The following C2orf81 variants were observed in gnomAD, a reference collection of about 807,000 sequenced individuals.
C2orf81 encodes the protein uncharacterized protein C2orf81.
In C2orf81, 5 loss-of-function variants were observed where a neutral mutation model predicts 7.9. The ratio of observed to expected loss-of-function variants is 0.63; its 90% CI spans 0.33 to 1.33. The LOEUF (loss-of-function observed/expected upper bound fraction) is 1.33, where lower values mean the gene tolerates loss of function less well. C2orf81 is among the 40% of genes most tolerant of loss of function. The pLI, the probability that C2orf81 is intolerant of heterozygous loss-of-function variation, is 0.05. For missense variants in C2orf81, 781 were observed against 830.4 expected, an observed-to-expected ratio of 0.94 and a Z score of 0.73; for synonymous variants, 346 against 367.4, an observed-to-expected ratio of 0.94 and a Z score of 0.66.
At chr2:74,417,995 G>A in intron 1 of C2orf81, 1 of 488,274 alleles carries the variant, frequency 2.0e-6, no homozygotes, top group Non-Finnish European at 3.9e-6. Context: ...TAGTGTGGTG[G>A]TGAAGGTGCA....
In C2orf81 at chr2:74,415,388, C is replaced by G. The variant is rs1191029218; in HGVS notation, c.789G>C (p.Ser263=). 3 of 1,520,910 alleles carry G rather than the reference C, an allele frequency of 2.0e-6. No individual in the cohort carries two copies. The highest frequency in any genetic ancestry group is 2.7e-6 in the Non-Finnish European group (3 of 1,128,514). 94.2% of individuals were successfully genotyped at this position (1,520,910 alleles called of 1,614,324 possible). Residue 263 remains serine (S), a synonymous_variant, in exon 3 of 3, where the codon TCG becomes TCC. Transcript: ENST00000684111. This position sits in a 1 kb window ranked among gnomAD's most constrained non-coding sequence, Gnocchi z 5.5. The part of the protein sequence containing the change: ...AGSLSASFQL[S]VEEAPADDAD... Reference sequence around the variant, plus strand: ...CATCGTCGGCAGGCGCCTCCTCCACCGACAGTTGGAAGCTCGCGCTCAAGG... The same window carrying G: ...CATCGTCGGCAGGCGCCTCCTCCACGGACAGTTGGAAGCTCGCGCTCAAGG...
At chr2:74,418,497 G>C in intron 1 of C2orf81, 1 of 1,124,330 alleles carries the variant, frequency 8.9e-7, no homozygotes, top group Non-Finnish European at 1.3e-6. Context: ...GGCGAACTCG[G>C]CCGCTGGCCT....
chr2:74,416,924 G>A (rs1029916927), intron 1 of C2orf81, among the ~76,000 whole-genome samples: 4 of 152,066 alleles, frequency 2.6e-5, no homozygotes, highest in Non-Finnish European at 5.9e-5. Context: ...TGACAGACCC[G>A]GGGGAGCAGG....
In C2orf81 at chr2:74,421,564, C is replaced by T. The variant is rs1040217587; in HGVS notation, c.-4G>A. 2.4e-6 allele frequency: 1 copy of T among 410,682 alleles called. No individual in the cohort carries two copies. Among genetic ancestry groups the T allele is most frequent in the South Asian group, 8.5e-5 (1 of 11,830 alleles). The allele number at this position is 410,682 out of a possible 1,614,324, so 25.4% of individuals were successfully genotyped here. ...TCACCGAGCCTTCGTGCGCCATCGC[C>T]AACGCGGTCGCAGCAACGCTGGTGT... On this transcript the variant is annotated 5_prime_UTR_variant, in exon 1 of 3. Coordinates refer to ENST00000684111, the MANE Select transcript of C2orf81 (RefSeq NM_001316764.3).
Position 74,415,770 on chromosome 2 carries a change from T to C in C2orf81, c.407A>G (p.Gln136Arg). The stretch of plus-strand genomic sequence containing the variant: ...CGCGTGCAGCACGGGCACTGAACCC[T>C]GAGCCCAGGAGTCCGTCGTGCATGC... ...PSACTTDSWA[Q>R]GSVPVLHAST... The change falls in exon 3 of 3, where the codon CAG becomes CGG. Residue 136 changes from glutamine (Q) to arginine (R), a missense_variant. Gln to Arg is a conservative substitution (Grantham distance 43, BLOSUM62 1). Coordinates refer to ENST00000684111, the MANE Select transcript of C2orf81 (RefSeq NM_001316764.3). The surrounding 1 kb of genome is among the most constrained non-coding windows in gnomAD (Gnocchi z 5.5). 1 of 1,551,654 alleles carries C rather than the reference T, an allele frequency of 6.4e-7. No individual in the cohort carries two copies. The highest frequency in any genetic ancestry group is 8.7e-7 in the Non-Finnish European group (1 of 1,147,020).
Position 74,415,928 on chromosome 2 carries a change from C to T in C2orf81, c.250-1G>A. The T allele has an allele frequency of 2.6e-6, 4 of 1,547,478 alleles. No homozygotes were observed. The highest frequency in any genetic ancestry group is 3.5e-6 in the Non-Finnish European group (4 of 1,143,822). On this transcript the variant is annotated splice_acceptor_variant, in intron 2 of 2. Coordinates refer to ENST00000684111, the MANE Select transcript of C2orf81 (RefSeq NM_001316764.3). LOFTEE classifies it high-confidence loss of function. This position sits in a 1 kb window ranked among gnomAD's most constrained non-coding sequence, Gnocchi z 5.5. ...CCTGGCTGATGGTGAATGGAATGCA[C>T]TGCGGAGGCGAGAGAGGATCTCAGG...
intron 1 of C2orf81, among the ~76,000 whole-genome samples, chr2:74,417,013 C>T (rs1676487115): frequency 6.6e-6 from 1 of 152,154 alleles, no homozygotes; most frequent in Non-Finnish European, 1.5e-5. Context: ...AGTCAGTCAC[C>T]CAGCCTGCCA....
At position 74,414,743 on chromosome 2, in the gene C2orf81, G is replaced by A. The variant is rs760933947; in HGVS notation, c.1434C>T (p.Arg478=). The change falls in exon 3 of 3, where the codon CGC becomes CGT. Residue 478 remains arginine (R), a synonymous_variant. Coordinates refer to ENST00000684111, the MANE Select transcript of C2orf81 (RefSeq NM_001316764.3). The surrounding 1 kb of genome is among the most constrained non-coding windows in gnomAD (Gnocchi z 5.3). ...SKLPLPNSRI[R]FLTTHPVLPD... ...GGAGCACCGGGTGTGTGGTGAGGAA[G>A]CGGATCCTGGAGTTTGGGAGTGGCA... The A allele has an allele frequency of 6.5e-7, 1 of 1,550,346 alleles. No homozygotes were observed. The highest frequency in any genetic ancestry group is 1.2e-5 in the South Asian group (1 of 83,908).
chr2:74,414,434 C>G lies in C2orf81; in HGVS notation c.1743G>C (p.Gln581His). Residue 581 changes from glutamine (Q) to histidine (H), a missense_variant, in exon 3 of 3, where the codon CAG (glutamine) becomes CAC (histidine). Gln to His is a conservative substitution (Grantham distance 24). Coordinates refer to ENST00000684111, the MANE Select transcript of C2orf81 (RefSeq NM_001316764.3). The surrounding 1 kb of genome is among the most constrained non-coding windows in gnomAD (Gnocchi z 5.3). Reference protein sequence around the residue: ...PGVSMWNRSTQVLLSSGVPEQ... With the variant: ...PGVSMWNRSTHVLLSSGVPEQ... ...CAGGCACACCAGAGCTGAGCAACAC[C>G]TGGGTGCTCCGGTTCCACATGCTCA... 1.3e-6 allele frequency: 2 copies of G among 1,551,034 alleles called. No homozygotes were observed. Among genetic ancestry groups the G allele is most frequent in the South Asian group, 2.4e-5 (2 of 83,996 alleles).
At chr2:74,416,737 G>T (rs1245906777) in intron 1 of C2orf81, among the ~76,000 whole-genome samples, 1 of 152,036 alleles carries the variant, frequency 6.6e-6, no homozygotes, top group Non-Finnish European at 1.5e-5. Context: ...ATTCTTGAGT[G>T]TTCAAATTAC....
At chr2:74,417,251 G>T in intron 1 of C2orf81, 1 of 566,916 alleles carries the variant, frequency 1.8e-6, no homozygotes, top group Non-Finnish European at 2.8e-6. Flanking sequence ...CTGGGAGTGG[G>T]AAGGGTGAGC....
At position 74,414,958 on chromosome 2, in the gene C2orf81, C is replaced by G. The variant is rs1338075597; in HGVS notation, c.1219G>C (p.Gly407Arg). Residue 407 changes from glycine to arginine, a missense_variant, in exon 3 of 3, where the codon GGA (glycine) becomes CGA (arginine). By Grantham distance (125) the Gly-to-Arg change is moderately radical. Coordinates refer to ENST00000684111, the MANE Select transcript of C2orf81 (RefSeq NM_001316764.3). The surrounding 1 kb of genome is among the most constrained non-coding windows in gnomAD (Gnocchi z 5.3). ...TTGGTCTTCTCGCCCCGCTGGCGTC[C>G]GCGGTAGGCTTCCAAGGGGCGTGTT... is the stretch of plus-strand genomic sequence containing the variant. ...SQTRPLEAYR[G>R]RQRGEKTKAR... is the part of the protein sequence containing the mutation. 1 of 1,547,656 alleles carries G rather than the reference C, an allele frequency of 6.5e-7. No individual in the cohort carries two copies. Among genetic ancestry groups the G allele is most frequent in the Admixed American group, 2.0e-5 (1 of 50,844 alleles).
Position 74,414,887 on chromosome 2 carries a change from G to T in C2orf81, c.1290C>A (p.Ser430=). Residue 430 remains serine, a synonymous_variant, in exon 3 of 3, where the codon TCC becomes TCA. Transcript: ENST00000684111. The surrounding 1 kb of genome is among the most constrained non-coding windows in gnomAD (Gnocchi z 5.3). ...GCCGGAGAGGGAAGAACGCTGCCGG[G>T]GAGACACGGGTGCCGGGGCCGAGGG... is the stretch of plus-strand genomic sequence containing the variant. The part of the protein sequence containing the change: ...PQALGPGTRV[S]PAAFFPLRPG... 3 of 1,546,844 alleles carry T rather than the reference G, an allele frequency of 1.9e-6. No homozygotes were observed. The highest frequency in any genetic ancestry group is 2.6e-6 in the Non-Finnish European group (3 of 1,143,778).
intron 1 of C2orf81, chr2:74,418,503 G>A (rs1183517122): frequency 9.7e-7 from 1 of 1,035,870 alleles, no homozygotes; most frequent in African/African-American, 1.6e-5. Flanking sequence ...CTCGGCCGCT[G>A]GCCTGCGGTG....
intron 1 of C2orf81, among the ~76,000 whole-genome samples, chr2:74,420,772 C>CTTTTTTTTTTTTT (rs745827470): frequency 2.2e-4 from 16 of 72,706 alleles, no homozygotes; most frequent in African/African-American, 5.7e-4. Flanking sequence ...TCTTCTTCTT[C>CTTTTTTTTTTTTT]TTTTTTTTTT....
Position 74,420,769 on chromosome 2 carries a change from CTTCTTTTTT to C in C2orf81, c.18+765_18+773del, listed in dbSNP as rs1471575833. On this transcript the variant is annotated intron_variant, in intron 1 of 2. Transcript: ENST00000684111. ...CTTCAAATCCGTTTTCTTTCTTCTTCTTCTTTTTTTTTTTTTTTTTTTTTTTTTTTTGAG... is the reference window on the plus strand; with the variant it reads ...CTTCAAATCCGTTTTCTTTCTTCTTCTTTTTTTTTTTTTTTTTTTTTTGAG... Among the ~76,000 whole-genome samples, 13 of 118,752 alleles carry C rather than the reference CTTCTTTTTT, an allele frequency of 1.1e-4. No individual in the cohort carries two copies. In the East Asian group the frequency reaches 3.5e-3, roughly 32 times the overall value. The allele number at this position is 118,752 out of a possible 152,430, so 77.9% of individuals were successfully genotyped here. A position where few individuals can be genotyped will look rare whatever the true frequency, so the allele number is the denominator to read the frequency against.
rs973783667 is a variant in C2orf81, at chr2:74,414,197, G to T, written c.*132C>A. ...CAGACTAGTTCCTAAGGCAACTCAG[G>T]TGTTTATTTCTGGCTAGCAGAGGGA... is the stretch of plus-strand genomic sequence containing the variant. On this transcript the variant is annotated 3_prime_UTR_variant, in exon 3 of 3. Transcript: ENST00000684111. The surrounding 1 kb of genome is among the most constrained non-coding windows in gnomAD (Gnocchi z 5.3). 3.4e-6 allele frequency: 3 copies of T among 883,118 alleles called. No individual in the cohort carries two copies. Among genetic ancestry groups the T allele is most frequent in the South Asian group, 3.1e-5 (1 of 32,128 alleles). 54.7% of individuals were successfully genotyped at this position (883,118 alleles called of 1,614,324 possible).
chr2:74,414,886 G>C lies in C2orf81; in HGVS notation c.1291C>G (p.Pro431Ala), dbSNP rs112958780. The C allele has an allele frequency of 7.4e-4, 1,139 of 1,546,866 alleles. 9 individuals are homozygous for C. The African/African-American group carries it at 0.014, about 18-fold the overall frequency. Reference sequence around the variant, plus strand: ...GGCCGGAGAGGGAAGAACGCTGCCGGGGAGACACGGGTGCCGGGGCCGAGG... The same window carrying C: ...GGCCGGAGAGGGAAGAACGCTGCCGCGGAGACACGGGTGCCGGGGCCGAGG... ...QALGPGTRVSPAAFFPLRPGI... is the reference protein window; with the variant it reads ...QALGPGTRVSAAAFFPLRPGI... Residue 431 changes from proline (P) to alanine (A), a missense_variant, in exon 3 of 3, where the codon CCG (proline) becomes GCG (alanine). Coordinates refer to ENST00000684111, the MANE Select transcript of C2orf81 (RefSeq NM_001316764.3). The surrounding 1 kb of genome is among the most constrained non-coding windows in gnomAD (Gnocchi z 5.3).
At chr2:74,418,146 C>G in intron 1 of C2orf81, 1 of 916,178 alleles carries the variant, frequency 1.1e-6, no homozygotes, top group South Asian at 1.4e-5. Flanking sequence ...AGGACTCCTG[C>G]GAGATGCCCT....
Sources: gnomAD v4.1 joint callset for allele counts (sites outside exome capture counted in the v4.1 genomes callset) on GRCh38, gnomAD v4.1.1 for gene constraint, Gnocchi (gnomAD v3.1) non-coding constraint, MANE v1.5 for transcripts, NCBI Gene and HGNC (gene_info 2026-07-23, HGNC 2026-07-21) for gene names.